The following MCTP2 variants were observed in gnomAD, a reference collection of about 807,000 sequenced individuals.
MCTP2 encodes the protein multiple C2 and transmembrane domain containing 2.
A neutral mutation model predicts 111.6 loss-of-function variants in MCTP2; 132 were observed. That is an observed-to-expected ratio of 1.18 (90% CI 1.03 to 1.37). The LOEUF is 1.37. Ranked by LOEUF, MCTP2 falls within the 40% of genes most tolerant of loss-of-function variation. The pLI, the probability that MCTP2 is intolerant of heterozygous loss-of-function variation, is 0.00. For missense variants in MCTP2, 1,183 were observed against 1,067.9 expected, an observed-to-expected ratio of 1.11 and a Z score of -1.50; for synonymous variants, 395 against 387.7, an observed-to-expected ratio of 1.02 and a Z score of -0.22.
intron 1 of MCTP2, among the ~76,000 whole-genome samples, chr15:94,250,413 C>T (rs1371528662): frequency 2.0e-5 from 3 of 152,092 alleles, no homozygotes; most frequent in Admixed American, 6.5e-5. Context: ...AATTTCATGT[C>T]GTGAGCACGT....
Position 94,243,809 on chromosome 15 carries a change from A to G in MCTP2, c.-66+12145A>G, listed in dbSNP as rs537649664. Among the ~76,000 whole-genome samples the G allele has an allele frequency of 1.0e-4, 15 of 148,470 alleles. No individual in the cohort carries two copies. The East Asian group carries it at 2.8e-3, about 28-fold the overall frequency. The stretch of plus-strand genomic sequence containing the variant: ...TATGTATATACACATATGCGTATAT[A>G]CATATATGTATACACATATGTATAT... On this transcript the variant is annotated intron_variant, in intron 1 of 22. Coordinates refer to ENST00000357742, the MANE Select transcript of MCTP2 (RefSeq NM_001385001.1).
intron 2 of MCTP2, 132 bp downstream of exon 2, chr15:94,298,862 C>G (rs2075418726): frequency 1.1e-5 from 4 of 369,138 alleles, no homozygotes; most frequent in Non-Finnish European, 1.8e-5. Flanking sequence ...CTCCCCCTCC[C>G]TCTCTCTCTC....
At chr15:94,358,263 TAA>T (rs751842124) in intron 9 of MCTP2, among the ~76,000 whole-genome samples, 2 of 152,178 alleles carry the variant, frequency 1.3e-5, no homozygotes, top group Non-Finnish European at 2.9e-5. Context: ...ACTTGGTGGA[TAA>T]ATTATTGGAT....
At chr15:94,409,387 C>A (rs868263377) in intron 17 of MCTP2, among the ~76,000 whole-genome samples, 11 of 152,028 alleles carry the variant, frequency 7.2e-5, no homozygotes, top group African/African-American at 2.7e-4. Flanking sequence ...TTAATAAACT[C>A]ATATATATTA....
chr15:94,476,861 G>A (rs977945071), intron 22 of MCTP2, 68 bp downstream of exon 22: 3 of 901,106 alleles, frequency 3.3e-6, no homozygotes, highest in African/African-American at 1.7e-5. Flanking sequence ...GGAGCCAGAG[G>A]AACACAAGGC....
chr15:94,341,014 C>T (rs2077611991), intron 7 of MCTP2, 90 bp downstream of exon 7: 2 of 813,976 alleles, frequency 2.5e-6, no homozygotes, highest in East Asian at 5.2e-5. Context: ...TAGCAGATGA[C>T]TGATGTTTTT....
At chr15:94,278,559 T>C (rs1165780137) in intron 1 of MCTP2, among the ~76,000 whole-genome samples, 3 of 152,144 alleles carry the variant, frequency 2.0e-5, no homozygotes, top group African/African-American at 7.2e-5. Flanking sequence ...CCTTGAGGAT[T>C]TGATTTGATT....
At chr15:94,383,872 A>G in intron 12 of MCTP2, 150 bp from the exon 13 acceptor site, 1 of 614,220 alleles carries the variant, frequency 1.6e-6, no homozygotes, top group South Asian at 2.0e-5. Flanking sequence ...TGTCTCCTGG[A>G]TTCCCACACA....
intron 9 of MCTP2, among the ~76,000 whole-genome samples, chr15:94,357,229 G>C (rs2078675312): frequency 6.6e-6 from 1 of 152,196 alleles, no homozygotes; most frequent in African/African-American, 2.4e-5. Context: ...ACAAAGTAGA[G>C]AATTGAAGCT....
chr15:94,295,412 G>A (rs1260825393), intron 1 of MCTP2, among the ~76,000 whole-genome samples: 1 of 152,068 alleles, frequency 6.6e-6, no homozygotes, highest in Non-Finnish European at 1.5e-5. Context: ...AACACATATG[G>A]CTCCACCTAA....
chr15:94,380,799 T>G (rs1004813405), intron 12 of MCTP2, among the ~76,000 whole-genome samples: 1 of 151,840 alleles, frequency 6.6e-6, no homozygotes, highest in Non-Finnish European at 1.5e-5. Context: ...ATCAAATGAA[T>G]GATATGACAA....
At chr15:94,430,949 C>T (rs1027635727) in intron 17 of MCTP2, among the ~76,000 whole-genome samples, 2 of 152,136 alleles carry the variant, frequency 1.3e-5, no homozygotes, top group South Asian at 4.1e-4. Flanking sequence ...AAACCCAGCC[C>T]CACTGCCTGA....
intron 5 of MCTP2, 74 bp downstream of exon 5, chr15:94,339,506 C>T (rs898995258): frequency 1.2e-5 from 15 of 1,239,458 alleles, no homozygotes; most frequent in East Asian, 4.9e-5. Context: ...TCCTCTTAGA[C>T]GTGAACTTGC....
At chr15:94,475,496 C>CT (rs944097577) in intron 21 of MCTP2, among the ~76,000 whole-genome samples, 1 of 152,146 alleles carries the variant, frequency 6.6e-6, no homozygotes, top group African/African-American at 2.4e-5. Flanking sequence ...AAATCAAACC[C>CT]TTTGTGTGTT....
intron 14 of MCTP2, among the ~76,000 whole-genome samples, chr15:94,391,220 A>T (rs2080952002): frequency 6.6e-6 from 1 of 151,742 alleles, no homozygotes; most frequent in Admixed American, 6.6e-5. Context: ...ACTGGGACAA[A>T]TTTTCTATAA....
chr15:94,336,945 G>A (rs1474574218), intron 4 of MCTP2, among the ~76,000 whole-genome samples: 1 of 151,898 alleles, frequency 6.6e-6, no homozygotes, highest in Non-Finnish European at 1.5e-5. Context: ...TCTCCTCGCC[G>A]AGTACCACAC....
chr15:94,235,693 A>C (rs919956597), intron 1 of MCTP2, among the ~76,000 whole-genome samples: 3 of 152,222 alleles, frequency 2.0e-5, no homozygotes, highest in Non-Finnish European at 4.4e-5. Context: ...GGCTATGATC[A>C]ACTGGATTTA....
rs1485128968 is a variant in MCTP2, at chr15:94,358,506, C to A, written c.1195C>A (p.Gln399Lys). The stretch of plus-strand genomic sequence containing the variant: ...GACACTGTGTAAGAGTGCAAATCCG[C>A]AGTGGCAGGAACAGTTTGACTTTCA... ...SKTLCKSANP[Q>K]WQEQFDFHYF... Residue 399 changes from glutamine to lysine, a missense_variant, in exon 10 of 23, where the codon CAG becomes AAG. Coordinates refer to ENST00000357742, the MANE Select transcript of MCTP2 (RefSeq NM_001385001.1). 6.2e-7 allele frequency: 1 copy of A among 1,613,546 alleles called. No homozygotes were observed. Among genetic ancestry groups the A allele is most frequent in the Admixed American group, 1.7e-5 (1 of 59,992 alleles).
chr15:94,342,242 G>T (rs113159091), intron 7 of MCTP2: 1 of 152,034 alleles, frequency 6.6e-6, no homozygotes, highest in South Asian at 2.1e-4. Flanking sequence ...AGTAATATTG[G>T]CACTTAAAAG....
Sources: gnomAD v4.1 joint callset for allele counts (sites outside exome capture counted in the v4.1 genomes callset) on GRCh38, gnomAD v4.1.1 for gene constraint, MANE v1.5 for transcripts, NCBI Gene and HGNC (gene_info 2026-07-23, HGNC 2026-07-21) for gene names.